BCAR3: variants seen among roughly 807,000 people sequenced by gnomAD.
The protein encoded by BCAR3 is BCAR3 adaptor protein, NSP family member.
In BCAR3, 37 loss-of-function variants were observed where a neutral mutation model predicts 80.1. The ratio of observed to expected loss-of-function variants is 0.46; its 90% confidence interval spans 0.36 to 0.61. The LOEUF (loss-of-function observed/expected upper bound fraction) is 0.61, where lower values mean the gene tolerates loss of function less well. Ranked by LOEUF, BCAR3 falls within the 20% of genes least tolerant of loss-of-function variation. The probability of loss-of-function intolerance (pLI) is 0.00; values close to 1 mark genes in which losing one functional copy is unlikely to be tolerated. For synonymous variants in BCAR3, 389 were observed against 418.9 expected (o/e 0.93, Z 0.87); for missense variants, 978 against 1,068.2 (o/e 0.92, Z 1.18).
At chr1:93,701,642 G>A (rs899831815) in intron 3 of BCAR3, among the ~76,000 whole-genome samples, 4 of 152,240 alleles carry the variant, frequency 2.6e-5, no homozygotes, top group African/African-American at 9.6e-5. Flanking sequence ...CAGGCCCACA[G>A]GGGCCTGTTT....
At chr1:93,741,661 C>G (rs146789749) in intron 2 of BCAR3, among the ~76,000 whole-genome samples, 2 of 152,276 alleles carry the variant, frequency 1.3e-5, no homozygotes, top group East Asian at 3.9e-4. Context: ...CTCCACCTCC[C>G]GGCTTCAAGT....
intron 3 of BCAR3, among the ~76,000 whole-genome samples, chr1:93,620,101 C>CA (rs1268091632): frequency 6.6e-6 from 1 of 152,158 alleles, no homozygotes; most frequent in Non-Finnish European, 1.5e-5. Context: ...ACTGTACTCG[C>CA]AGGGCACACG....
At chr1:93,757,059 C>T (rs1484075073) in intron 2 of BCAR3, among the ~76,000 whole-genome samples, 2 of 152,254 alleles carry the variant, frequency 1.3e-5, no homozygotes, top group East Asian at 1.9e-4. Flanking sequence ...TCCAGTTCAG[C>T]TCCCACAGTA....
chr1:93,643,468 C>G (rs1156684903), intron 2 of BCAR3, among the ~76,000 whole-genome samples: 1 of 147,868 alleles, frequency 6.8e-6, no homozygotes, highest in Non-Finnish European at 1.5e-5. Context: ...ATTGCTTGAA[C>G]CCAGGAGGCG....
intron 3 of BCAR3, among the ~76,000 whole-genome samples, chr1:93,699,154 A>C (rs1649541859): frequency 6.6e-6 from 1 of 152,256 alleles, no homozygotes; most frequent in African/African-American, 2.4e-5. Context: ...ACTGAACCTC[A>C]GAGAGAAGAG....
At position 93,677,556 on chromosome 1, in the gene BCAR3, C is replaced by A. The variant is rs76402647; in HGVS notation, c.-11-2615G>T. Among the ~76,000 whole-genome samples the A allele has an allele frequency of 1.7e-3, 263 of 152,212 alleles. 1 individual carries two copies. Among genetic ancestry groups the A allele is most frequent in the African/African-American group, 5.9e-3 (245 of 41,522 alleles). On this transcript the variant is annotated intron_variant, in intron 1 of 11. Coordinates refer to ENST00000260502, the MANE Select transcript of BCAR3 (RefSeq NM_003567.4). The stretch of plus-strand genomic sequence containing the variant: ...GGTTACTGAGGCTGATGGTGAAACC[C>A]ATGGAGGAACAATGAAGAATTCTGA...
intron 5 of BCAR3, 132 bp from the exon 6 acceptor site, chr1:93,584,253 C>T: frequency 1.4e-6 from 1 of 729,808 alleles, no homozygotes. Context: ...TACAGCATAC[C>T]CTAAAAGTAA....
upstream of BCAR3, among the ~76,000 whole-genome samples, chr1:93,682,793 T>G (rs1292021306): frequency 6.6e-6 from 1 of 152,168 alleles, no homozygotes; most frequent in East Asian, 1.9e-4. Context: ...CCTCAGGTGA[T>G]CCACCCACCT....
intron 2 of BCAR3, among the ~76,000 whole-genome samples, chr1:93,797,170 C>T (rs1398587808): frequency 6.6e-6 from 1 of 152,196 alleles, no homozygotes; most frequent in African/African-American, 2.4e-5. Context: ...TGAACCCATG[C>T]TTTTTCTGAT....
chr1:93,720,646 G>C (rs1426118190), intron 2 of BCAR3, among the ~76,000 whole-genome samples: 1 of 152,198 alleles, frequency 6.6e-6, no homozygotes, highest in Non-Finnish European at 1.5e-5. Flanking sequence ...TACTGCCTTT[G>C]TTCCTTGTGT....
chr1:93,692,170 G>A (rs12092517), intron 3 of BCAR3, among the ~76,000 whole-genome samples: 42,571 of 152,084 alleles, frequency 0.28, 8,959 homozygotes, highest in African/African-American at 0.6. Flanking sequence ...GGCATCCAGT[G>A]CAAGAGCAGC....
In BCAR3 at chr1:93,592,245, G is replaced by C. The variant is rs754587723; in HGVS notation, c.486+20C>G. ...CCTGAGAGCAGCCGTGTATGCTCTG[G>C]AAGGGACAAGACCAGGTACCTGTCG... On this transcript the variant is annotated intron_variant, in intron 4 of 11. Transcript: ENST00000260502. This position sits in a 1 kb window ranked among gnomAD's most constrained non-coding sequence, Gnocchi z 4.8. 6.2e-7 allele frequency: 1 copy of C among 1,613,266 alleles called. No individual in the cohort carries two copies. The highest frequency in any genetic ancestry group is 8.5e-7 in the Non-Finnish European group (1 of 1,179,986).
At chr1:93,779,560 C>T (rs12126518) in intron 2 of BCAR3, among the ~76,000 whole-genome samples, 14,836 of 152,062 alleles carry the variant, frequency 0.098, 920 homozygotes, top group East Asian at 0.19. Flanking sequence ...TTGAGGGAAA[C>T]TTGGTTGAAA....
chr1:93,734,040 A>G (rs1460450708), intron 2 of BCAR3, among the ~76,000 whole-genome samples: 1 of 152,208 alleles, frequency 6.6e-6, no homozygotes, highest in Non-Finnish European at 1.5e-5. Flanking sequence ...GAGCAAATGT[A>G]GGCTGGCTGT....
At chr1:93,829,542 G>C (rs531020560) in intron 2 of BCAR3, among the ~76,000 whole-genome samples, 1 of 151,522 alleles carries the variant, frequency 6.6e-6, no homozygotes, top group Non-Finnish European at 1.5e-5. Context: ...AAATTCCACC[G>C]AGAACTCCCA....
At chr1:93,846,025 C>T (rs909314424) in intron 1 of BCAR3, among the ~76,000 whole-genome samples, 2 of 152,226 alleles carry the variant, frequency 1.3e-5, no homozygotes, top group Non-Finnish European at 2.9e-5. Context: ...CAGTTCTCCA[C>T]GCTCACTAGC....
chr1:93,766,948 G>C (rs1315604565), intron 2 of BCAR3, among the ~76,000 whole-genome samples: 5 of 152,138 alleles, frequency 3.3e-5, no homozygotes, highest in Non-Finnish European at 5.9e-5. Flanking sequence ...AACAGAAAAA[G>C]TTTAGGACAG....
intron 2 of BCAR3, among the ~76,000 whole-genome samples, chr1:93,751,377 C>G (rs925245070): frequency 3.3e-5 from 5 of 152,122 alleles, no homozygotes; most frequent in Admixed American, 2.6e-4. Context: ...TGGTTCCTCT[C>G]TTTTCCCACT....
chr1:93,804,661 A>G lies in BCAR3; in HGVS notation c.-63+40906T>C, dbSNP rs186553358. 5.3e-5 allele frequency among the ~76,000 whole-genome samples: 8 copies of G among 152,352 alleles called. No homozygotes were observed. The East Asian group carries it at 1.5e-3, about 29-fold the overall frequency. ...ACTACTCAGAACAGGATGCAATTTA[A>G]AACTTGGAAATTGTTTATTTCTGGA... is the stretch of plus-strand genomic sequence containing the variant. On this transcript the variant is annotated intron_variant, in intron 2 of 13. Coordinates refer to the BCAR3 transcript ENST00000370244.
Sources: allele counts gnomAD v4.1 joint callset (sites outside exome capture counted in the v4.1 genomes callset), GRCh38; gene constraint gnomAD v4.1.1; non-coding constraint Gnocchi (gnomAD v3.1); transcripts MANE v1.5; gene names NCBI Gene and HGNC (gene_info 2026-07-23, HGNC 2026-07-21).